The following ARSJ variants were observed in gnomAD, a reference collection of about 807,000 sequenced individuals.
The protein encoded by ARSJ is arylsulfatase J.
A neutral mutation model predicts 35.9 loss-of-function variants in ARSJ; 26 were observed. The ratio of observed to expected loss-of-function variants is 0.72; its 90% CI spans 0.53 to 1.00. The LOEUF (loss-of-function observed/expected upper bound fraction) is 1.00. ARSJ is among the 50% of genes least tolerant of loss of function. The pLI, the probability that ARSJ is intolerant of heterozygous loss-of-function variation, is 0.00. For missense variants in ARSJ, 667 were observed against 723.6 expected (o/e 0.92, Z 0.90); for synonymous variants, 294 against 267.6 (o/e 1.10, Z -0.96).
chr4:113,965,426 A>G (rs1218103088), intron 1 of ARSJ, among the ~76,000 whole-genome samples: 1 of 152,114 alleles, frequency 6.6e-6, no homozygotes, highest in Non-Finnish European at 1.5e-5. Context: ...CTAGTGTTGG[A>G]GTTGGAATCT....
At chr4:113,911,093 A>T (rs1169137029) in intron 1 of ARSJ, among the ~76,000 whole-genome samples, 1 of 152,176 alleles carries the variant, frequency 6.6e-6, no homozygotes, top group Admixed American at 6.5e-5. Flanking sequence ...TTGCAGCAGG[A>T]GGAGCCATCC....
At position 113,918,888 on chromosome 4, in the gene ARSJ, G is replaced by C. The variant is rs367797565; in HGVS notation, c.399-15213C>G. On this transcript the variant is annotated intron_variant, in intron 1 of 1. Coordinates refer to ENST00000315366, the MANE Select transcript of ARSJ (RefSeq NM_024590.4). ...GTTCAATGCAGCCCCAACCTCCCAGGCTTAAGTGATCCTCTCACCTCAGCC... is the reference window on the plus strand; with the variant it reads ...GTTCAATGCAGCCCCAACCTCCCAGCCTTAAGTGATCCTCTCACCTCAGCC... Among the ~76,000 whole-genome samples the C allele has an allele frequency of 3.3e-5, 5 of 151,968 alleles. No homozygotes were observed. In the East Asian group the frequency reaches 9.7e-4, roughly 29 times the overall value.
chr4:113,937,336 C>T (rs1420039781), intron 1 of ARSJ, among the ~76,000 whole-genome samples: 1 of 151,832 alleles, frequency 6.6e-6, no homozygotes, highest in African/African-American at 2.4e-5. Context: ...CACAGGAAAG[C>T]TCCAGATGAG....
chr4:113,950,480 G>A (rs1725794413), intron 1 of ARSJ, among the ~76,000 whole-genome samples: 1 of 152,098 alleles, frequency 6.6e-6, no homozygotes, highest in East Asian at 1.9e-4. Context: ...GCATGGGAAA[G>A]GGACATTGAA....
intron 1 of ARSJ, among the ~76,000 whole-genome samples, chr4:113,963,720 A>C (rs1726711144): frequency 6.6e-6 from 1 of 152,104 alleles, no homozygotes; most frequent in Non-Finnish European, 1.5e-5. Flanking sequence ...TTTCAGGGAA[A>C]TAAAAACGAC....
At chr4:113,943,482 A>G (rs774284441) in intron 1 of ARSJ, 2 of 152,070 alleles carry the variant, frequency 1.3e-5, no homozygotes, top group Non-Finnish European at 2.9e-5. Flanking sequence ...AAAAATATTC[A>G]GTGAACACTA....
At chr4:113,962,473 G>C (rs1031144747) in intron 1 of ARSJ, among the ~76,000 whole-genome samples, 24 of 147,006 alleles carry the variant, frequency 1.6e-4, no homozygotes, top group Admixed American at 1.6e-3. Context: ...ATGTCTGCTG[G>C]AGCAGGCACC....
intron 1 of ARSJ, among the ~76,000 whole-genome samples, chr4:113,935,031 A>C (rs1180546855): frequency 6.6e-6 from 1 of 151,838 alleles, no homozygotes; most frequent in East Asian, 1.9e-4. Flanking sequence ...TAAAGTATAT[A>C]CTATGATTCT....
chr4:113,939,125 T>C (rs1257103770), intron 1 of ARSJ, among the ~76,000 whole-genome samples: 1 of 143,466 alleles, frequency 7.0e-6, no homozygotes, highest in East Asian at 2.2e-4. Flanking sequence ...TGTGTTCTCA[T>C]TGTTCAATTC....
chr4:113,915,736 C>T (rs1248099387), intron 1 of ARSJ, among the ~76,000 whole-genome samples: 2 of 152,210 alleles, frequency 1.3e-5, no homozygotes, highest in African/African-American at 4.8e-5. Flanking sequence ...TGGATCAGAA[C>T]ATCTGTATCA....
intron 1 of ARSJ, among the ~76,000 whole-genome samples, chr4:113,926,691 T>C (rs1403809644): frequency 6.6e-6 from 1 of 152,160 alleles, no homozygotes; most frequent in Non-Finnish European, 1.5e-5. Flanking sequence ...GATGGAATGC[T>C]GCTGTGCACA....
intron 1 of ARSJ, among the ~76,000 whole-genome samples, chr4:113,923,357 T>G (rs1049178909): frequency 6.6e-6 from 1 of 152,144 alleles, no homozygotes; most frequent in African/African-American, 2.4e-5. Flanking sequence ...AAAAATAATA[T>G]AGAAGCAAAA....
chr4:113,978,831 C>A lies in ARSJ; in HGVS notation c.4G>T (p.Ala2Ser), dbSNP rs749837103. The part of the protein sequence containing the change: M[A>S]PRGCAGHPPP... ...GGATGCCCCGCACAGCCCCTGGGAGCCATTCACTCAGGTCCCAGGTGAGAC... is the reference window on the plus strand; with the variant it reads ...GGATGCCCCGCACAGCCCCTGGGAGACATTCACTCAGGTCCCAGGTGAGAC... The change falls in exon 1 of 2, where the codon GCT becomes TCT. Residue 2 changes from alanine to serine, a missense_variant. By Grantham distance (99) the Ala-to-Ser change is moderately conservative. Transcript: ENST00000315366. 2.4e-5 allele frequency: 39 copies of A among 1,597,196 alleles called. No individual in the cohort carries two copies. Among genetic ancestry groups the A allele is most frequent in the Non-Finnish European group, 3.3e-5 (39 of 1,172,802 alleles).
At chr4:113,905,660 ATTTTTTTTTTT>A (rs766150372) in intron 1 of ARSJ, among the ~76,000 whole-genome samples, 6 of 81,856 alleles carry the variant, frequency 7.3e-5, no homozygotes, top group Admixed American at 1.8e-4. Context: ...GTTCTTGATA[ATTTTTTTTTTT>A]TTTTTTTTTT....
chr4:113,965,976 T>C (rs914862603), intron 1 of ARSJ, among the ~76,000 whole-genome samples: 1 of 152,000 alleles, frequency 6.6e-6, no homozygotes, highest in African/African-American at 2.4e-5. Context: ...AATGTTCAAC[T>C]CCAAAGGTAA....
chr4:113,925,007 G>A (rs930029644), intron 1 of ARSJ, among the ~76,000 whole-genome samples: 3 of 152,090 alleles, frequency 2.0e-5, no homozygotes, highest in African/African-American at 7.2e-5. Context: ...GGATTGGGCT[G>A]TTGTAGTTTC....
intron 1 of ARSJ, among the ~76,000 whole-genome samples, chr4:113,916,405 A>AT (rs370731556): frequency 3.3e-5 from 5 of 152,140 alleles, no homozygotes; most frequent in Non-Finnish European, 4.4e-5. Context: ...ATGCCACAGG[A>AT]TTTTTTTCTT....
At chr4:113,967,347 C>T (rs1296600750) in intron 1 of ARSJ, among the ~76,000 whole-genome samples, 2 of 152,140 alleles carry the variant, frequency 1.3e-5, no homozygotes, top group Non-Finnish European at 2.9e-5. Context: ...TTTGGAAATA[C>T]TCTTCTCTTT....
intron 1 of ARSJ, among the ~76,000 whole-genome samples, chr4:113,948,953 T>C (rs1431776774): frequency 6.6e-6 from 1 of 152,058 alleles, no homozygotes; most frequent in Non-Finnish European, 1.5e-5. Context: ...TGCCCATCAA[T>C]GATAGACTGG....
Sources: gnomAD v4.1 joint callset for allele counts (sites outside exome capture counted in the v4.1 genomes callset) on GRCh38, gnomAD v4.1.1 for gene constraint, MANE v1.5 for transcripts, NCBI Gene and HGNC (gene_info 2026-07-23, HGNC 2026-07-21) for gene names.